The following NDST4 variants were observed in gnomAD, a reference collection of about 807,000 sequenced individuals.
NDST4 encodes N-deacetylase and N-sulfotransferase 4.
In NDST4, 63 loss-of-function variants were observed where a neutral mutation model predicts 100.8. The observed-to-expected ratio is 0.62, with a 90% CI of 0.51 to 0.77. The LOEUF is 0.77. Ranked by LOEUF, NDST4 falls within the 30% of genes least tolerant of loss-of-function variation. The pLI, the probability that NDST4 is intolerant of heterozygous loss-of-function variation, is 0.00. For missense variants in NDST4, 943 were observed against 1,018.4 expected (o/e 0.93, Z 1.01); for synonymous variants, 377 against 361.8 (o/e 1.04, Z -0.48).
chr4:115,063,184 A>G (rs923801366), intron 2 of NDST4, among the ~76,000 whole-genome samples: 2 of 151,990 alleles, frequency 1.3e-5, no homozygotes, highest in Non-Finnish European at 2.9e-5. Context: ...CAAACTCTTT[A>G]GAATGTAGGA....
At chr4:115,105,455 A>G (rs1488293857) in intron 1 of NDST4, among the ~76,000 whole-genome samples, 1 of 152,078 alleles carries the variant, frequency 6.6e-6, no homozygotes, top group Non-Finnish European at 1.5e-5. Context: ...ACTCTAGGGC[A>G]TATCCTGAGT....
intron 4 of NDST4, among the ~76,000 whole-genome samples, chr4:114,951,065 G>C (rs1177140099): frequency 2.0e-5 from 3 of 151,964 alleles, no homozygotes; most frequent in African/African-American, 7.2e-5. Context: ...AGGGAATAAG[G>C]TTGAAAGGAA....
At chr4:114,932,123 C>A (rs1307507966) in intron 6 of NDST4, among the ~76,000 whole-genome samples, 1 of 151,722 alleles carries the variant, frequency 6.6e-6, no homozygotes. Flanking sequence ...AAATTCAATA[C>A]CAAATCAAAA....
intron 7 of NDST4, among the ~76,000 whole-genome samples, chr4:114,860,337 C>T (rs1394440138): frequency 6.6e-6 from 1 of 152,154 alleles, no homozygotes; most frequent in Non-Finnish European, 1.5e-5. Context: ...GCTGAACTAT[C>T]TATTCTTCAC....
chr4:115,094,993 C>G (rs1027020487), intron 1 of NDST4, among the ~76,000 whole-genome samples: 3 of 152,070 alleles, frequency 2.0e-5, no homozygotes, highest in Non-Finnish European at 4.4e-5. Context: ...CTGTGGATTG[C>G]AAAGTTAGTT....
chr4:115,111,845 G>A (rs1015023858), intron 1 of NDST4, among the ~76,000 whole-genome samples: 15 of 151,736 alleles, frequency 9.9e-5, no homozygotes, highest in Admixed American at 7.9e-4. Context: ...AGCTTATTAT[G>A]AGATGTCTAT....
intron 6 of NDST4, among the ~76,000 whole-genome samples, chr4:114,917,590 CAACATAG>C (rs1725201480): frequency 6.6e-6 from 1 of 151,894 alleles, no homozygotes; most frequent in Non-Finnish European, 1.5e-5. Context: ...CCAGGCTAGG[CAACATAG>C]TGAGACCCTG....
intron 6 of NDST4, among the ~76,000 whole-genome samples, chr4:114,921,591 T>C (rs1725286861): frequency 6.6e-6 from 1 of 152,222 alleles, no homozygotes. Context: ...ACTTGCTTTT[T>C]ATCACATCTT....
intron 2 of NDST4, among the ~76,000 whole-genome samples, chr4:115,043,519 A>G (rs1181500257): frequency 1.3e-5 from 2 of 152,078 alleles, no homozygotes; most frequent in African/African-American, 2.4e-5. Context: ...GTCAGGAACC[A>G]CTGTCTAGAG....
At chr4:114,992,374 A>T (rs1047836735) in intron 2 of NDST4, among the ~76,000 whole-genome samples, 1 of 151,774 alleles carries the variant, frequency 6.6e-6, no homozygotes, top group African/African-American at 2.4e-5. Context: ...CACCACCCAG[A>T]TTCCTCTGTT....
chr4:115,016,941 A>G (rs1727691710), intron 2 of NDST4, among the ~76,000 whole-genome samples: 1 of 151,980 alleles, frequency 6.6e-6, no homozygotes, highest in African/African-American at 2.4e-5. Flanking sequence ...TTGTAGAAAA[A>G]GAACTGTAAT....
At chr4:114,841,293 G>A (rs887022980) in intron 10 of NDST4, among the ~76,000 whole-genome samples, 26 of 152,144 alleles carry the variant, frequency 1.7e-4, no homozygotes, top group African/African-American at 5.8e-4. Context: ...AAATTACAGC[G>A]GCAGGTGACA....
intron 2 of NDST4, among the ~76,000 whole-genome samples, chr4:114,990,980 A>C (rs758694773): frequency 6.6e-6 from 1 of 152,040 alleles, no homozygotes; most frequent in South Asian, 2.1e-4. Flanking sequence ...CATTTTAATG[A>C]GTTCATTATT....
At chr4:114,984,375 C>T (rs1463139093) in intron 2 of NDST4, among the ~76,000 whole-genome samples, 1 of 151,204 alleles carries the variant, frequency 6.6e-6, no homozygotes, top group Non-Finnish European at 1.5e-5. Flanking sequence ...GATGGGCTTT[C>T]ACCATATTGG....
rs1177983954 is a variant in NDST4 at position 115,077,166 on chromosome 4, T to A, written c.-130A>T. On this transcript the variant is annotated 5_prime_UTR_variant, in exon 2 of 14. Coordinates refer to ENST00000264363, the MANE Select transcript of NDST4 (RefSeq NM_022569.3). ...TAACCATCGCAAATCATGTAAAATG[T>A]TTGAAGGGAGCACAACTGAGTTAAA... is the stretch of plus-strand genomic sequence containing the variant. The A allele has an allele frequency of 2.3e-6, 2 of 882,470 alleles. No homozygotes were observed. The highest frequency in any genetic ancestry group is 3.4e-5 in the African/African-American group (2 of 58,748). 54.7% of individuals were successfully genotyped at this position (882,470 alleles called of 1,614,324 possible).
At chr4:114,971,281 T>C (rs1726509361) in intron 3 of NDST4, among the ~76,000 whole-genome samples, 1 of 152,110 alleles carries the variant, frequency 6.6e-6, no homozygotes, top group South Asian at 2.1e-4. Context: ...GTTTATAATA[T>C]GTGTGACTTG....
intron 2 of NDST4, among the ~76,000 whole-genome samples, chr4:114,998,705 G>T (rs147772216): frequency 9.2e-5 from 14 of 152,064 alleles, no homozygotes; most frequent in South Asian, 2.1e-4. Flanking sequence ...TTTTTAATAT[G>T]CCCCTAAACT....
chr4:114,902,446 T>A (rs751516308), intron 6 of NDST4, among the ~76,000 whole-genome samples: 2 of 152,102 alleles, frequency 1.3e-5, no homozygotes, highest in African/African-American at 4.8e-5. Flanking sequence ...AGAAATCAAA[T>A]GTAATTCTTA....
At chr4:115,039,789 C>A (rs1275225312) in intron 2 of NDST4, among the ~76,000 whole-genome samples, 2 of 151,982 alleles carry the variant, frequency 1.3e-5, no homozygotes, top group Non-Finnish European at 2.9e-5. Context: ...ATAATACATG[C>A]ACACACACAT....
Sources: allele counts gnomAD v4.1 joint callset (sites outside exome capture counted in the v4.1 genomes callset), GRCh38; gene constraint gnomAD v4.1.1; transcripts MANE v1.5; gene names NCBI Gene and HGNC (gene_info 2026-07-23, HGNC 2026-07-21).